DDC: variants seen among roughly 807,000 people sequenced by gnomAD.
The protein encoded by DDC is dopa decarboxylase.
In DDC, 43 loss-of-function variants were observed where a neutral mutation model predicts 60.0. The observed-to-expected ratio is 0.72, with a 90% CI of 0.56 to 0.92. The LOEUF (loss-of-function observed/expected upper bound fraction) is 0.92. Among genes scored for constraint, DDC ranks in the 40% least tolerant of loss-of-function variants. The pLI is 0.00. For synonymous variants in DDC, 232 were observed against 234.6 expected (o/e 0.99, Z 0.10); for missense variants, 573 against 620.2 (o/e 0.92, Z 0.81).
chr7:50,468,081 G>A (rs866459707), intron 12 of DDC, among the ~76,000 whole-genome samples: 3 of 152,272 alleles, frequency 2.0e-5, no homozygotes, highest in Non-Finnish European at 2.9e-5. Context: ...CTAAGCCCGC[G>A]GATACAGCAG....
intron 13 of DDC, among the ~76,000 whole-genome samples, chr7:50,465,364 A>C (rs11982772): frequency 0.052 from 7,936 of 152,246 alleles, 477 homozygotes; most frequent in African/African-American, 0.15. Context: ...TATACTAAAA[A>C]TACTCAAACG....
At chr7:50,461,107 C>A (rs1168418073) in intron 14 of DDC, among the ~76,000 whole-genome samples, 1 of 151,728 alleles carries the variant, frequency 6.6e-6, no homozygotes, top group African/African-American at 2.4e-5. Flanking sequence ...ATTGCATGTA[C>A]TTCTTATTTG....
intron 13 of DDC, among the ~76,000 whole-genome samples, chr7:50,464,194 A>G (rs112265749): frequency 5.9e-5 from 9 of 152,050 alleles, no homozygotes; most frequent in African/African-American, 2.2e-4. Flanking sequence ...AGTCACCCAA[A>G]CCTCACAGGA....
At chr7:50,471,912 A>C (rs17665398) in intron 11 of DDC, among the ~76,000 whole-genome samples, 2,953 of 152,274 alleles carry the variant, frequency 0.019, 167 homozygotes, top group Admixed American at 0.12. Flanking sequence ...TTCCAAAATC[A>C]TTCCTCGACT....
At chr7:50,547,901 A>C (rs2044859228) in intron 1 of DDC, among the ~76,000 whole-genome samples, 1 of 152,230 alleles carries the variant, frequency 6.6e-6, no homozygotes, top group African/African-American at 2.4e-5. Flanking sequence ...GTTTGTGACA[A>C]CCCTGAATCC....
At position 50,540,344 on chromosome 7, in the gene DDC, G is replaced by A. The variant is rs375016441; in HGVS notation, c.202-316C>T. Among the ~76,000 whole-genome samples the A allele has an allele frequency of 3.9e-5, 6 of 152,122 alleles. No individual in the cohort carries two copies. The East Asian group carries it at 1.2e-3, about 29-fold the overall frequency. ...CTTATCATTTTCCATAACAAAAGAAGTCTCAAAAAACCACACTGTGCTTCA... is the reference window on the plus strand; with the variant it reads ...CTTATCATTTTCCATAACAAAAGAAATCTCAAAAAACCACACTGTGCTTCA... On this transcript the variant is annotated intron_variant, in intron 2 of 14. Coordinates refer to ENST00000444124, the MANE Select transcript of DDC (RefSeq NM_001082971.2).
intron 9 of DDC, among the ~76,000 whole-genome samples, chr7:50,481,593 T>C (rs1034234025): frequency 3.9e-5 from 6 of 152,162 alleles, no homozygotes; most frequent in African/African-American, 1.4e-4. Context: ...AAAGAATAAA[T>C]CACCACCCCC....
intron 1 of DDC, among the ~76,000 whole-genome samples, chr7:50,545,061 A>G (rs1184316787): frequency 6.6e-6 from 1 of 152,168 alleles, no homozygotes; most frequent in Non-Finnish European, 1.5e-5. Context: ...GGTCATTTTA[A>G]ACAGCAAAAT....
chr7:50,554,057 C>T (rs188945550), intron 1 of DDC, among the ~76,000 whole-genome samples: 16 of 152,144 alleles, frequency 1.1e-4, no homozygotes, highest in African/African-American at 2.9e-4. Flanking sequence ...AATCTAAATC[C>T]GCTCACAAGT....
chr7:50,558,077 A>AC (rs60312959), intron 1 of DDC, among the ~76,000 whole-genome samples: 3,313 of 147,944 alleles, frequency 0.022, 124 homozygotes, highest in African/African-American at 0.074. Context: ...TTCAGAAATC[A>AC]CCCCCCCCCT....
At chr7:50,513,391 C>A (rs1022482082) in intron 6 of DDC, among the ~76,000 whole-genome samples, 1 of 152,152 alleles carries the variant, frequency 6.6e-6, no homozygotes, top group Admixed American at 6.5e-5. Context: ...GGGAAGGCAG[C>A]CAGAGGAGCA....
In DDC at chr7:50,543,315, G is replaced by A. The variant is rs11575296; in HGVS notation, c.201+570C>T. 503 of 172,822 alleles carry A rather than the reference G, an allele frequency of 2.9e-3. 2 individuals carry two copies. Among genetic ancestry groups the A allele is most frequent in the Middle Eastern group, 0.014 (5 of 354 alleles). The allele number at this position is 172,822 out of a possible 1,614,324, so 10.7% of individuals were successfully genotyped here. A position where few individuals can be genotyped will look rare whatever the true frequency, so the allele number is the denominator to read the frequency against. ...CTCTGAGCTCCAACTCTGCTGCCCT[G>A]TGAGTGAGTATCGGAGACAGCAGCC... is the stretch of plus-strand genomic sequence containing the variant. On this transcript the variant is annotated intron_variant, in intron 2 of 14. Transcript: ENST00000444124.
chr7:50,535,429 G>A (rs1428932442), intron 4 of DDC, among the ~76,000 whole-genome samples: 5 of 152,208 alleles, frequency 3.3e-5, no homozygotes, highest in African/African-American at 7.2e-5. Context: ...TTACAGGCGT[G>A]AGCCACTATG....
At chr7:50,557,393 C>A (rs560133769) in intron 1 of DDC, among the ~76,000 whole-genome samples, 37 of 152,278 alleles carry the variant, frequency 2.4e-4, no homozygotes, top group African/African-American at 8.7e-4. Context: ...TGGAAAAATT[C>A]ATAACTTGAG....
intron 6 of DDC, among the ~76,000 whole-genome samples, chr7:50,508,141 TGG>T (rs909553339): frequency 1.7e-4 from 26 of 152,212 alleles, no homozygotes; most frequent in African/African-American, 6.0e-4. Context: ...GGAGGAGGCC[TGG>T]GGGCTGCAAG....
intron 8 of DDC, 149 bp from the exon 9 acceptor site, chr7:50,495,566 T>G (rs551016603): frequency 1.4e-6 from 1 of 692,416 alleles, no homozygotes; most frequent in East Asian, 2.7e-5. Flanking sequence ...GAGTAGTAAC[T>G]TGTAGTGGGT....
intron 1 of DDC, among the ~76,000 whole-genome samples, chr7:50,545,997 AATGTG>A (rs2044796199): frequency 6.6e-6 from 1 of 152,204 alleles, no homozygotes; most frequent in Admixed American, 6.5e-5. Flanking sequence ...TCAGAGAGGC[AATGTG>A]ACATGCCCAA....
intron 6 of DDC, among the ~76,000 whole-genome samples, chr7:50,516,052 T>C (rs2043719062): frequency 6.6e-6 from 1 of 152,172 alleles, no homozygotes; most frequent in South Asian, 2.1e-4. Context: ...ACAATGGATT[T>C]AAACTATATC....
At chr7:50,471,868 C>T (rs934839299) in intron 11 of DDC, among the ~76,000 whole-genome samples, 5 of 152,194 alleles carry the variant, frequency 3.3e-5, no homozygotes, top group Non-Finnish European at 5.9e-5. Context: ...AGTAAAACGA[C>T]GCTTCCCTGC....
Sources: gnomAD v4.1 joint callset for allele counts (sites outside exome capture counted in the v4.1 genomes callset) on GRCh38, gnomAD v4.1.1 for gene constraint, MANE v1.5 for transcripts, NCBI Gene and HGNC (gene_info 2026-07-23, HGNC 2026-07-21) for gene names.